The following CD59 variants were observed in gnomAD, a reference collection of about 807,000 sequenced individuals.
The protein encoded by CD59 is CD59 glycoprotein.
A neutral mutation model predicts 7.0 loss-of-function variants in CD59; 3 were observed. The observed-to-expected ratio is 0.43, with a 90% confidence interval of 0.19 to 1.10. The LOEUF is 1.10. Among genes scored for constraint, CD59 ranks in the 50% least tolerant of loss-of-function variants. The pLI, the probability that CD59 is intolerant of heterozygous loss-of-function variation, is 0.29. For missense variants in CD59, 143 were observed against 151.0 expected (o/e 0.95, Z 0.28); for synonymous variants, 60 against 62.0 (o/e 0.97, Z 0.15).
At chr11:33,730,936 C>A (rs537875557) in intron 1 of CD59, among the ~76,000 whole-genome samples, 1 of 152,162 alleles carries the variant, frequency 6.6e-6, no homozygotes, top group Non-Finnish European at 1.5e-5. Flanking sequence ...TGTAAACAGA[C>A]GACATAAACT....
At position 33,713,082 on chromosome 11, in the gene CD59, T is replaced by A. The variant is rs1853635329; in HGVS notation, c.170-2739A>T. Among the ~76,000 whole-genome samples, 4 of 152,190 alleles carry A rather than the reference T, an allele frequency of 2.6e-5. No homozygotes were observed. In the South Asian group the frequency reaches 8.3e-4, roughly 31 times the overall value. On this transcript the variant is annotated intron_variant, in intron 3 of 3. Coordinates refer to ENST00000642928, the MANE Select transcript of CD59 (RefSeq NM_000611.6). ...AAAAAACACGCCATCATGGTCCCAT[T>A]TTTGGAAAAATAGCCTTGGGCACAC...
In CD59 at chr11:33,717,557, A is replaced by C. The variant is rs1293083382; in HGVS notation, c.68-86T>G. The C allele has an allele frequency of 3.1e-5, 25 of 798,984 alleles. No individual in the cohort carries two copies. The East Asian group carries it at 6.5e-4, about 21-fold the overall frequency. 49.5% of individuals were successfully genotyped at this position (798,984 alleles called of 1,614,324 possible). On this transcript the variant is annotated intron_variant, in intron 2 of 3. Transcript: ENST00000642928. Reference sequence around the variant, plus strand: ...CACCATCTCCATTAATATGGGCCCAAAGTCAGCAACTTGTGGTATACTTCC... The same window carrying C: ...CACCATCTCCATTAATATGGGCCCACAGTCAGCAACTTGTGGTATACTTCC...
In CD59 at chr11:33,708,329, G is replaced by T. The variant is rs1853396100; in HGVS notation, c.*1797C>A. Reference sequence around the variant, plus strand: ...TTTAGAGGACTACCTTCTTCCCAGTGTAGTCTGGCCAAAAAGTGGGTACAT... The same window carrying T: ...TTTAGAGGACTACCTTCTTCCCAGTTTAGTCTGGCCAAAAAGTGGGTACAT... On this transcript the variant is annotated 3_prime_UTR_variant, in exon 4 of 4. Transcript: ENST00000642928. 1 of 152,092 alleles carries T rather than the reference G, an allele frequency of 6.6e-6. No homozygotes were observed. The highest frequency in any genetic ancestry group is 2.4e-5 in the African/African-American group (1 of 41,396). The allele number at this position is 152,092 out of a possible 1,614,324, so 9.4% of individuals were successfully genotyped here. A position where few individuals can be genotyped will look rare whatever the true frequency, so the allele number is the denominator to read the frequency against.
intron 2 of CD59, chr11:33,719,631 T>A (rs990810685): frequency 6.6e-6 from 1 of 152,004 alleles, no homozygotes; most frequent in Non-Finnish European, 1.5e-5. Context: ...AAAAAATAAA[T>A]AAAATAAAAT....
Position 33,710,180 on chromosome 11 carries a change from T to C in CD59, c.333A>G (p.Thr111=). Residue 111 remains threonine, a synonymous_variant, in exon 4 of 4, where the codon ACA becomes ACG. Coordinates refer to ENST00000642928, the MANE Select transcript of CD59 (RefSeq NM_000611.6). ...GAAATGGAGTCACCAGCAGAAGAAC[T>C]GTTTTCTCTGATAAGGATGTCCCAC... The part of the protein sequence containing the change: ...ENGGTSLSEK[T]VLLLVTPFLA... 1.2e-6 allele frequency: 2 copies of C among 1,614,102 alleles called. No individual in the cohort carries two copies. Among genetic ancestry groups the C allele is most frequent in the Non-Finnish European group, 1.7e-6 (2 of 1,179,990 alleles).
chr11:33,717,044 C>A (rs1853827293), intron 3 of CD59, among the ~76,000 whole-genome samples: 1 of 152,230 alleles, frequency 6.6e-6, no homozygotes, highest in Non-Finnish European at 1.5e-5. Flanking sequence ...TGGGAGGCAG[C>A]ACAGGGCTGC....
At chr11:33,724,624 G>T (rs1412038247) in intron 1 of CD59, among the ~76,000 whole-genome samples, 1 of 152,104 alleles carries the variant, frequency 6.6e-6, no homozygotes, top group East Asian at 1.9e-4. Context: ...AGTGTTGGGG[G>T]GTGAACGGTG....
chr11:33,727,728 A>G (rs1014537414), intron 1 of CD59, among the ~76,000 whole-genome samples: 2 of 152,312 alleles, frequency 1.3e-5, no homozygotes, highest in South Asian at 4.1e-4. Context: ...AAGGAAGTCA[A>G]ATTGTCTGTT....
chr11:33,723,271 C>T (rs1014383673), intron 1 of CD59, among the ~76,000 whole-genome samples: 1 of 152,214 alleles, frequency 6.6e-6, no homozygotes, highest in Non-Finnish European at 1.5e-5. Context: ...CAGAGCCCCA[C>T]AGGCCCGGAC....
chr11:33,734,749 G>T lies in CD59; in HGVS notation c.-19+1633C>A, dbSNP rs188250184. ...CTAAGATATAGGACATAAGTAAAAA[G>T]AAGTCTTTGCCTTTAGAAAGCCTCA... On this transcript the variant is annotated intron_variant, in intron 1 of 3. Coordinates refer to ENST00000642928, the MANE Select transcript of CD59 (RefSeq NM_000611.6). Among the ~76,000 whole-genome samples, 10 of 152,320 alleles carry T rather than the reference G, an allele frequency of 6.6e-5. No homozygotes were observed. The East Asian group carries it at 1.9e-3, about 29-fold the overall frequency.
intron 3 of CD59, among the ~76,000 whole-genome samples, chr11:33,711,032 T>TAA (rs142039290): frequency 3.2e-4 from 38 of 120,148 alleles, no homozygotes; most frequent in East Asian, 1.7e-3. Context: ...GAGCTTGATT[T>TAA]AAAAAAAAAA....
intron 3 of CD59, 123 bp from the exon 4 acceptor site, chr11:33,710,466 T>C (rs1244373154): frequency 1.2e-5 from 9 of 777,828 alleles, no homozygotes; most frequent in Non-Finnish European, 2.3e-6. Flanking sequence ...AAGATGCTCA[T>C]CCCAGGTGGG....
chr11:33,704,227 G>GA lies in CD59; in HGVS notation c.*5898dup, dbSNP rs1377977952. ...AATCTGGGACTCTCTGTGACCCTGG[G>GA]AAAATCACATCAGCTCTCTGAACCC... On this transcript the variant is annotated 3_prime_UTR_variant, in exon 4 of 4. Coordinates refer to ENST00000642928, the MANE Select transcript of CD59 (RefSeq NM_000611.6). 1 of 152,226 alleles carries GA rather than the reference G, an allele frequency of 6.6e-6. No individual in the cohort carries two copies. Among genetic ancestry groups the GA allele is most frequent in the African/African-American group, 2.4e-5 (1 of 41,418 alleles). 9.4% of individuals were successfully genotyped at this position (152,226 alleles called of 1,614,324 possible).
At position 33,723,002 on chromosome 11, in the gene CD59, A is replaced by G. The variant is rs1054049184; in HGVS notation, c.-18-539T>C. On this transcript the variant is annotated intron_variant, in intron 1 of 3. Transcript: ENST00000642928. ...GGGACATGAAGAGAGGTATTGAGCA[A>G]CTTTGTAAGTTTCCATTACGTGAAT... 66 of 1,014,800 alleles carry G rather than the reference A, an allele frequency of 6.5e-5. No homozygotes were observed. In the African/African-American group the frequency reaches 1.1e-3, roughly 16 times the overall value. The allele number at this position is 1,014,800 out of a possible 1,614,324, so 62.9% of individuals were successfully genotyped here. A position where few individuals can be genotyped will look rare whatever the true frequency, so the allele number is the denominator to read the frequency against.
rs41275162 is a variant in CD59 at position 33,710,481 on chromosome 11, A to G, written c.170-138T>C. 3,095 of 722,242 alleles carry G rather than the reference A, an allele frequency of 4.3e-3. 7 individuals carry two copies. The highest frequency in any genetic ancestry group is 7.0e-3 in the Non-Finnish European group (2,825 of 403,712). 44.7% of individuals were successfully genotyped at this position (722,242 alleles called of 1,614,324 possible). ...AAGATGCTCATCCCAGGTGGGTTGT[A>G]AAGGAGAACAATTAAGTAAATAATG... On this transcript the variant is annotated intron_variant, in intron 3 of 3. Transcript: ENST00000642928.
rs749701576 is a variant in CD59 at position 33,722,378 on chromosome 11, C to T, written c.67+1G>A. On this transcript the variant is annotated splice_donor_variant, in intron 2 of 3. Transcript: ENST00000642928. LOFTEE classifies it high-confidence loss of function. ...CCATGTCCTGAGACTGGAGCACTCA[C>T]CTGAATGGCAGAAGACAGCCAGGAC... 6.2e-7 allele frequency: 1 copy of T among 1,610,644 alleles called. No individual in the cohort carries two copies. Among genetic ancestry groups the T allele is most frequent in the Non-Finnish European group, 8.5e-7 (1 of 1,176,848 alleles).
chr11:33,723,007 G>A (rs1854139754), intron 1 of CD59: 6 of 1,011,444 alleles, frequency 5.9e-6, no homozygotes, highest in Middle Eastern at 4.9e-4. Flanking sequence ...GAGCAACTTT[G>A]TAAGTTTCCA....
chr11:33,718,065 C>A, intron 2 of CD59: 1 of 159,898 alleles, frequency 6.3e-6, no homozygotes, highest in South Asian at 1.7e-4. Context: ...TATTATTATG[C>A]TGGACTCAAT....
intron 1 of CD59, among the ~76,000 whole-genome samples, chr11:33,724,023 C>T (rs1319841384): frequency 1.3e-5 from 2 of 152,070 alleles, no homozygotes; most frequent in Non-Finnish European, 1.5e-5. Flanking sequence ...GTGGGAGGAT[C>T]GCTTGAGCCC....
Sources: gnomAD v4.1 joint callset for allele counts (sites outside exome capture counted in the v4.1 genomes callset) on GRCh38, gnomAD v4.1.1 for gene constraint, MANE v1.5 for transcripts, NCBI Gene and HGNC (gene_info 2026-07-23, HGNC 2026-07-21) for gene names.